Variants in DERA observed in about 807,000 individuals in gnomAD.
DERA encodes the protein 2-deoxy-D-ribose 5-phosphate aldolase.
In DERA, 15 loss-of-function variants were observed where a neutral mutation model predicts 41.1. The observed-to-expected ratio is 0.37, with a 90% CI of 0.24 to 0.56. The LOEUF (loss-of-function observed/expected upper bound fraction) is 0.56. Ranked by LOEUF, DERA falls within the 20% of genes least tolerant of loss-of-function variation. The probability of loss-of-function intolerance (pLI) is 0.81; values close to 1 mark genes in which losing one functional copy is unlikely to be tolerated. For synonymous variants in DERA, 139 were observed against 137.4 expected (o/e 1.01, Z -0.08); for missense variants, 396 against 403.4 (o/e 0.98, Z 0.16).
At chr12:16,018,838 C>G (rs1949001028) in intron 6 of DERA, among the ~76,000 whole-genome samples, 1 of 152,078 alleles carries the variant, frequency 6.6e-6, no homozygotes, top group African/African-American at 2.4e-5. Flanking sequence ...TTCAACTAAT[C>G]ACAGTTGAAT....
Position 16,014,927 on chromosome 12 carries a change from T to C in DERA, c.638-17615T>C, listed in dbSNP as rs1174391479. Among the ~76,000 whole-genome samples the C allele has an allele frequency of 1.3e-5, 2 of 152,190 alleles. No homozygotes were observed. The highest frequency in any genetic ancestry group is 4.8e-5 in the African/African-American group (2 of 41,444). ...GAGTCAAAGGAGATCTTTTTGTAGC[T>C]TTAAGATTTGACTGCCCTCCTGGAT... On this transcript the variant is annotated intron_variant, in intron 6 of 8. Coordinates refer to ENST00000428559, the MANE Select transcript of DERA (RefSeq NM_015954.4). The surrounding 1 kb of genome is among the most constrained non-coding windows in gnomAD (Gnocchi z 5.4).
intron 5 of DERA, among the ~76,000 whole-genome samples, chr12:15,963,992 T>A (rs1168452142): frequency 1.3e-5 from 2 of 152,196 alleles, no homozygotes; most frequent in Non-Finnish European, 2.9e-5. Flanking sequence ...ACCCTCAGTA[T>A]TTATTCTCTT....
chr12:15,938,675 A>G lies in DERA; in HGVS notation c.32-18261A>G, dbSNP rs1037409168. 6.6e-6 allele frequency among the ~76,000 whole-genome samples: 1 copy of G among 152,244 alleles called. No homozygotes were observed. The highest frequency in any genetic ancestry group is 1.5e-5 in the Non-Finnish European group (1 of 68,048). On this transcript the variant is annotated intron_variant, in intron 1 of 8. Transcript: ENST00000428559. This position sits in a 1 kb window ranked among gnomAD's most constrained non-coding sequence, Gnocchi z 4.1. ...ATTCTATAAATGGAGGATATTTTCA[A>G]TTCACATTTTTTAATTGAAATGTGT...
chr12:16,033,879 A>G (rs1469572011), intron 7 of DERA, among the ~76,000 whole-genome samples: 1 of 152,144 alleles, frequency 6.6e-6, no homozygotes. Context: ...ATAAATATCT[A>G]TTGTGAACTA....
intron 6 of DERA, among the ~76,000 whole-genome samples, chr12:16,030,730 G>A (rs1044328520): frequency 1.3e-5 from 2 of 152,090 alleles, no homozygotes; most frequent in Non-Finnish European, 2.9e-5. Context: ...CTTGACATTT[G>A]TTTCTTTATT....
rs117958162 is a variant in DERA at position 15,957,324 on chromosome 12, G to A, written c.129+291G>A. Among the ~76,000 whole-genome samples the A allele has an allele frequency of 8.2e-4, 125 of 152,254 alleles. 1 individual carries two copies. In the East Asian group the frequency reaches 0.023, roughly 28 times the overall value. On this transcript the variant is annotated intron_variant, in intron 2 of 8. Coordinates refer to ENST00000428559, the MANE Select transcript of DERA (RefSeq NM_015954.4). The surrounding 1 kb of genome is among the most constrained non-coding windows in gnomAD (Gnocchi z 4.8). ...CATATTTTCTCAACACATTTATTCA[G>A]TTTTTTAGACATGCCTTCTTTGGTT...
chr12:15,929,520 C>T (rs1395687891), intron 1 of DERA, among the ~76,000 whole-genome samples: 1 of 146,044 alleles, frequency 6.8e-6, no homozygotes, highest in Non-Finnish European at 1.5e-5. Flanking sequence ...CTTATAGTCA[C>T]AGTATTTTAG....
At position 15,954,062 on chromosome 12, in the gene DERA, T is replaced by G. The variant is rs1948519047; in HGVS notation, c.32-2874T>G. ...TTTGCAGGGACCTCTGGCAAGAGGT[T>G]TCTGAGAAGTGCAAGAGCAGACCTT... On this transcript the variant is annotated intron_variant, in intron 1 of 8. Transcript: ENST00000428559. The surrounding 1 kb of genome is among the most constrained non-coding windows in gnomAD (Gnocchi z 4.0). 6.6e-6 allele frequency among the ~76,000 whole-genome samples: 1 copy of G among 152,178 alleles called. No individual in the cohort carries two copies. The highest frequency in any genetic ancestry group is 2.4e-5 in the African/African-American group (1 of 41,446).
At position 15,981,305 on chromosome 12, in the gene DERA, G is replaced by A. The variant is rs1288304910; in HGVS notation, c.509-1003G>A. Among the ~76,000 whole-genome samples the A allele has an allele frequency of 4.6e-5, 7 of 152,002 alleles. No individual in the cohort carries two copies. The highest frequency in any genetic ancestry group is 1.5e-4 in the African/African-American group (6 of 41,372). ...GGAGGTTGCAGTGAGCTGAGATCAC[G>A]CCACTGCACTCCAGCCTGGGTGACA... On this transcript the variant is annotated intron_variant, in intron 5 of 8. Coordinates refer to ENST00000428559, the MANE Select transcript of DERA (RefSeq NM_015954.4). This position sits in a 1 kb window ranked among gnomAD's most constrained non-coding sequence, Gnocchi z 6.1.
rs896839212 is a variant in DERA, at chr12:16,031,036, T to C, written c.638-1506T>C. ...TCTCTTTGTATAATAATTGACAGTT[T>C]TCAAAGTGCTTGCTATGCGATTGTC... On this transcript the variant is annotated intron_variant, in intron 6 of 8. Transcript: ENST00000428559. Among the ~76,000 whole-genome samples the C allele has an allele frequency of 2.0e-5, 3 of 152,212 alleles. No homozygotes were observed. In the East Asian group the frequency reaches 5.8e-4, roughly 29 times the overall value.
chr12:15,975,894 C>T (rs1392150431), intron 5 of DERA, among the ~76,000 whole-genome samples: 1 of 152,074 alleles, frequency 6.6e-6, no homozygotes, highest in Non-Finnish European at 1.5e-5. Context: ...GGAGCTCTTG[C>T]TCCTTTTATT....
At chr12:15,952,658 T>C (rs1399351201) in intron 1 of DERA, among the ~76,000 whole-genome samples, 3 of 152,258 alleles carry the variant, frequency 2.0e-5, no homozygotes, top group Admixed American at 2.0e-4. Context: ...TTTACACCCT[T>C]CTTTTTGTAC....
intron 6 of DERA, among the ~76,000 whole-genome samples, chr12:16,023,303 A>G (rs1949028497): frequency 6.6e-6 from 1 of 152,160 alleles, no homozygotes; most frequent in Non-Finnish European, 1.5e-5. Context: ...AGAAATTTGA[A>G]GACTATGGCA....
Position 15,966,865 on chromosome 12 carries a change from A to G in DERA, c.508+3918A>G, listed in dbSNP as rs146248908. Among the ~76,000 whole-genome samples the G allele has an allele frequency of 6.6e-6, 1 of 152,216 alleles. No individual in the cohort carries two copies. The highest frequency in any genetic ancestry group is 1.9e-4 in the East Asian group (1 of 5,160). On this transcript the variant is annotated intron_variant, in intron 5 of 8. Coordinates refer to ENST00000428559, the MANE Select transcript of DERA (RefSeq NM_015954.4). The surrounding 1 kb of genome is among the most constrained non-coding windows in gnomAD (Gnocchi z 5.1). ...CGTCATGTCCTTGCTGATTTCAGTTACATTCCTTATGGCAAAGACAACCAA... is the reference window on the plus strand; with the variant it reads ...CGTCATGTCCTTGCTGATTTCAGTTGCATTCCTTATGGCAAAGACAACCAA...
Position 15,936,731 on chromosome 12 carries a change from A to G in DERA, c.32-20205A>G, listed in dbSNP as rs1948366633. Among the ~76,000 whole-genome samples the G allele has an allele frequency of 6.6e-6, 1 of 151,332 alleles. No homozygotes were observed. Among genetic ancestry groups the G allele is most frequent in the Admixed American group, 6.6e-5 (1 of 15,202 alleles). On this transcript the variant is annotated intron_variant, in intron 1 of 8. Coordinates refer to ENST00000428559, the MANE Select transcript of DERA (RefSeq NM_015954.4). This position sits in a 1 kb window ranked among gnomAD's most constrained non-coding sequence, Gnocchi z 4.6. ...TGTGTTTGTCTTCCTTTAGAGCAGA[A>G]CTCCCTTTTTAGTATCATTATACTG...
intron 4 of DERA, among the ~76,000 whole-genome samples, chr12:15,960,907 A>G (rs1307894386): frequency 6.6e-6 from 1 of 152,226 alleles, no homozygotes; most frequent in Non-Finnish European, 1.5e-5. Flanking sequence ...TGTTGACTAC[A>G]AAGGCAGGGC....
chr12:15,958,096 G>A (rs946134437), intron 2 of DERA, 92 bp from the exon 3 acceptor site: 11 of 1,035,368 alleles, frequency 1.1e-5, no homozygotes, highest in South Asian at 7.0e-5. Context: ...ACCCATACTT[G>A]TCTAATGATT....
intron 1 of DERA, among the ~76,000 whole-genome samples, chr12:15,919,992 G>GTGTC (rs972330248): frequency 6.6e-6 from 1 of 151,548 alleles, no homozygotes; most frequent in African/African-American, 2.4e-5. Context: ...GTGTGTGTGT[G>GTGTC]TCTGTGTGTG....
In DERA at chr12:15,985,135, T is replaced by C. The variant is rs545442204; in HGVS notation, c.637+2699T>C. ...CTAGAAATATCTTTGTGTCCCTTTA[T>C]AGTCGCCTCCACTCAGCTCACCTGC... is the stretch of plus-strand genomic sequence containing the variant. On this transcript the variant is annotated intron_variant, in intron 6 of 8. Coordinates refer to ENST00000428559, the MANE Select transcript of DERA (RefSeq NM_015954.4). This position sits in a 1 kb window ranked among gnomAD's most constrained non-coding sequence, Gnocchi z 4.2. 4 of 152,414 alleles carry C rather than the reference T, an allele frequency of 2.6e-5. No individual in the cohort carries two copies. The highest frequency in any genetic ancestry group is 9.6e-5 in the African/African-American group (4 of 41,588). The allele number at this position is 152,414 out of a possible 1,614,324, so 9.4% of individuals were successfully genotyped here.
Sources: allele counts gnomAD v4.1 joint callset (sites outside exome capture counted in the v4.1 genomes callset), GRCh38; gene constraint gnomAD v4.1.1; non-coding constraint Gnocchi (gnomAD v3.1); transcripts MANE v1.5; gene names NCBI Gene and HGNC (gene_info 2026-07-23, HGNC 2026-07-21).